RRP12: variants seen among roughly 807,000 people sequenced by gnomAD.
The protein encoded by RRP12 is RRP12-like protein.
A neutral mutation model predicts 157.3 loss-of-function variants in RRP12; 78 were observed. That is an observed-to-expected ratio of 0.50 (90% CI 0.41 to 0.60). RRP12 has a LOEUF of 0.60. Among genes scored for constraint, RRP12 ranks in the 20% least tolerant of loss-of-function variants. RRP12 has a pLI of 0.00. For missense variants in RRP12, 1,521 were observed against 1,679.9 expected, an observed-to-expected ratio of 0.91 and a Z score of 1.65; for synonymous variants, 726 against 670.9, an observed-to-expected ratio of 1.08 and a Z score of -1.27.
chr10:97,389,211 C>G (rs10882919), intron 6 of RRP12, among the ~76,000 whole-genome samples: 16 of 151,614 alleles, frequency 1.1e-4, no homozygotes, highest in Admixed American at 1.1e-3. Flanking sequence ...CTCCTGCCTC[C>G]GCCTCCCGAG....
intron 31 of RRP12, 43 bp from the exon 32 acceptor site, chr10:97,359,053 C>G: frequency 6.5e-7 from 1 of 1,529,506 alleles, no homozygotes; most frequent in African/African-American, 1.4e-5. Context: ...AAAGCCAGGG[C>G]AGCCCCCTCC....
intron 15 of RRP12, among the ~76,000 whole-genome samples, chr10:97,375,057 T>C (rs1844268304): frequency 6.6e-6 from 1 of 152,128 alleles, no homozygotes; most frequent in African/African-American, 2.4e-5. Context: ...TCTGCTAAAC[T>C]TGTCTGTCCC....
rs769026338 is a variant in RRP12, at chr10:97,357,066, CCA to C, written c.*26_*27del. 7.6e-6 allele frequency: 11 copies of C among 1,445,094 alleles called. No individual in the cohort carries two copies. Among genetic ancestry groups the C allele is most frequent in the Non-Finnish European group, 1.1e-5 (11 of 1,030,048 alleles). The allele number at this position is 1,445,094 out of a possible 1,614,324, so 89.5% of individuals were successfully genotyped here. ...GGGGCTGAAAGGGCCTCAGACTGGA[CCA>C]CAGGGCAGCCCAGGGGCCCTGGGCC... On this transcript the variant is annotated 3_prime_UTR_variant, in exon 34 of 34. Coordinates refer to ENST00000370992, the MANE Select transcript of RRP12 (RefSeq NM_015179.4).
chr10:97,400,382 C>G lies in RRP12; in HGVS notation c.292G>C (p.Gly98Arg). ...TEKSSGTFLS[G>R]LSDCTNVTFS... The stretch of plus-strand genomic sequence containing the variant: ...GTGACGTTTGTGCAGTCGGAAAGGC[C>G]ACTCAGGAAGGTACCCGAGGACTTC... The change falls in exon 2 of 34, where the codon GGC becomes CGC. Residue 98 changes from glycine to arginine, a missense_variant. By Grantham distance (125) the Gly-to-Arg change is moderately radical (BLOSUM62 -2). Coordinates refer to ENST00000370992, the MANE Select transcript of RRP12 (RefSeq NM_015179.4). The G allele has an allele frequency of 6.2e-7, 1 of 1,614,022 alleles. No individual in the cohort carries two copies. The highest frequency in any genetic ancestry group is 8.5e-7 in the Non-Finnish European group (1 of 1,180,002).
chr10:97,395,080 T>A (rs538581111), intron 3 of RRP12, among the ~76,000 whole-genome samples: 2 of 150,340 alleles, frequency 1.3e-5, no homozygotes, highest in South Asian at 2.1e-4. Context: ...GAGGTGGAGG[T>A]TGCAGTGAGC....
At chr10:97,372,839 T>C (rs546436432) in intron 18 of RRP12, 36 bp from the exon 19 acceptor site, 24 of 1,546,138 alleles carry the variant, frequency 1.6e-5, no homozygotes, top group South Asian at 5.9e-5. Context: ...AAGAGAGTCA[T>C]TGGGGAGGAG....
At chr10:97,392,001 GTTT>G (rs59302286) in intron 4 of RRP12, among the ~76,000 whole-genome samples, 1 of 147,756 alleles carries the variant, frequency 6.8e-6, no homozygotes, top group Non-Finnish European at 1.5e-5. Context: ...CATGTTGTGG[GTTT>G]TTTTTTTTTC....
At chr10:97,375,028 G>A (rs1564756522) in intron 15 of RRP12, among the ~76,000 whole-genome samples, 3 of 152,056 alleles carry the variant, frequency 2.0e-5, no homozygotes, top group South Asian at 4.1e-4. Context: ...GATATAAACC[G>A]TGTCTGTTCG....
At chr10:97,367,268 C>T in intron 25 of RRP12, 136 bp from the exon 26 acceptor site, 1 of 691,862 alleles carries the variant, frequency 1.4e-6, no homozygotes, top group Non-Finnish European at 2.5e-6. Context: ...TCCTGGCCCA[C>T]ACCCTGGCCC....
At chr10:97,397,248 C>A (rs12358520) in intron 2 of RRP12, among the ~76,000 whole-genome samples, 6,320 of 151,128 alleles carry the variant, frequency 0.042, 217 homozygotes, top group Non-Finnish European at 0.063. Flanking sequence ...GCAGCTTCCA[C>A]CTCCCGGGTT....
intron 30 of RRP12, among the ~76,000 whole-genome samples, chr10:97,363,273 T>G (rs929322946): frequency 1.3e-5 from 2 of 152,206 alleles, no homozygotes; most frequent in African/African-American, 4.8e-5. Context: ...TTCACCCTTG[T>G]TGGTTCAGGT....
At chr10:97,391,484 T>C (rs938206919) in intron 4 of RRP12, among the ~76,000 whole-genome samples, 1 of 152,100 alleles carries the variant, frequency 6.6e-6, no homozygotes, top group African/African-American at 2.4e-5. Context: ...GGCAGGAGAA[T>C]CACTTGAACC....
At chr10:97,392,354 C>T (rs886361841) in intron 4 of RRP12, among the ~76,000 whole-genome samples, 7 of 151,732 alleles carry the variant, frequency 4.6e-5, no homozygotes, top group African/African-American at 1.7e-4. Flanking sequence ...TACTTTATTA[C>T]TTATTTATTT....
rs1329663573 is a variant in RRP12, at chr10:97,400,386, C to T, written c.288G>A (p.Leu96=). The change falls in exon 2 of 34, where the codon CTG becomes CTA. Residue 96 remains leucine, a synonymous_variant. Transcript: ENST00000370992. The part of the protein sequence containing the change: ...VLTEKSSGTF[L]SGLSDCTNVT... ...CGTTTGTGCAGTCGGAAAGGCCACT[C>T]AGGAAGGTACCCGAGGACTTCTCGG... is the stretch of plus-strand genomic sequence containing the variant. The T allele has an allele frequency of 2.5e-6, 4 of 1,614,018 alleles. No homozygotes were observed. Among genetic ancestry groups the T allele is most frequent in the Non-Finnish European group, 3.4e-6 (4 of 1,180,006 alleles).
chr10:97,397,866 T>C (rs1382293949), intron 2 of RRP12, among the ~76,000 whole-genome samples: 1 of 149,880 alleles, frequency 6.7e-6, no homozygotes, highest in Admixed American at 6.7e-5. Flanking sequence ...ATTGGAAGGC[T>C]GATCAGCCAC....
Position 97,370,966 on chromosome 10 carries a change from G to GTCT in RRP12, c.2456_2458dup (p.Lys819dup). On this transcript the variant is annotated inframe_insertion, in exon 21 of 34. Transcript: ENST00000370992. ...GGTGCTCCGCAGCGAGTCCAGCAGTGTCTTCTTCAGGTCCTCCAGGTGGCT... is the reference window on the plus strand; with the variant it reads ...GGTGCTCCGCAGCGAGTCCAGCAGTGTCTTCTTCTTCAGGTCCTCCAGGTGGCT... 1.2e-6 allele frequency: 2 copies of GTCT among 1,614,040 alleles called. No homozygotes were observed. Among genetic ancestry groups the GTCT allele is most frequent in the Non-Finnish European group, 1.7e-6 (2 of 1,180,012 alleles).
At position 97,366,160 on chromosome 10, in the gene RRP12, G is replaced by T; in HGVS notation, c.3465C>A (p.Ile1155=). ...GFKVSADGRL[I]IREEADGNKM... ...TGTTGCCGTCTGCCTCCTCCCTTAT[G>T]ATCAGCCGGCCATCGGCGCTCACCT... Residue 1155 remains isoleucine, a synonymous_variant, in exon 29 of 34, where the codon ATC becomes ATA. Coordinates refer to ENST00000370992, the MANE Select transcript of RRP12 (RefSeq NM_015179.4). The T allele has an allele frequency of 6.2e-7, 1 of 1,608,350 alleles. No homozygotes were observed.
chr10:97,397,856 A>T (rs1393072313), intron 2 of RRP12, among the ~76,000 whole-genome samples: 1 of 150,420 alleles, frequency 6.6e-6, no homozygotes, highest in Non-Finnish European at 1.5e-5. Context: ...CTACTTGGGA[A>T]TTGGAAGGCT....
At chr10:97,400,006 T>G (rs1229034639) in intron 2 of RRP12, among the ~76,000 whole-genome samples, 2 of 152,238 alleles carry the variant, frequency 1.3e-5, no homozygotes, top group Non-Finnish European at 2.9e-5. Flanking sequence ...TACTCAGCAT[T>G]TATTTACTCA....
Sources: allele counts gnomAD v4.1 joint callset (sites outside exome capture counted in the v4.1 genomes callset), GRCh38; gene constraint gnomAD v4.1.1; transcripts MANE v1.5; gene names NCBI Gene and HGNC (gene_info 2026-07-23, HGNC 2026-07-21).